The following KDM2B variants were observed in gnomAD, a reference collection of about 807,000 sequenced individuals.
The protein encoded by KDM2B is lysine demethylase 2B.
Under a neutral mutation model 150.0 loss-of-function variants are expected in KDM2B, and 26 were observed. The ratio of observed to expected loss-of-function variants is 0.17; its 90% CI spans 0.13 to 0.24. The LOEUF (loss-of-function observed/expected upper bound fraction) is 0.24, where lower values mean the gene tolerates loss of function less well. Ranked by LOEUF, KDM2B falls within the 10% of genes least tolerant of loss-of-function variation. The probability of loss-of-function intolerance (pLI) is 1.00; values close to 1 mark genes in which losing one functional copy is unlikely to be tolerated. For synonymous variants in KDM2B, 734 were observed against 729.5 expected, an observed-to-expected ratio of 1.01 and a Z score of -0.10; for missense variants, 1,265 against 1,816.9, an observed-to-expected ratio of 0.70 and a Z score of 5.52.
intron 8 of KDM2B, among the ~76,000 whole-genome samples, chr12:121,527,078 C>T (rs950711482): frequency 8.6e-5 from 13 of 151,702 alleles, no homozygotes; most frequent in African/African-American, 2.7e-4. Flanking sequence ...GACGGAGTCT[C>T]GCTCTGTCGC....
At chr12:121,558,259 G>A (rs570618915) in intron 4 of KDM2B, among the ~76,000 whole-genome samples, 5 of 151,826 alleles carry the variant, frequency 3.3e-5, no homozygotes, top group African/African-American at 1.2e-4. Context: ...TCTGACACAC[G>A]ACTTCACAGA....
chr12:121,538,690 C>A (rs1225968943), intron 6 of KDM2B, among the ~76,000 whole-genome samples: 1 of 152,154 alleles, frequency 6.6e-6, no homozygotes, highest in Non-Finnish European at 1.5e-5. Flanking sequence ...AAAAGTCATT[C>A]CCAGGATTCT....
intron 13 of KDM2B, among the ~76,000 whole-genome samples, chr12:121,446,122 G>A (rs554287572): frequency 7.9e-4 from 121 of 152,324 alleles, no homozygotes; most frequent in African/African-American, 2.1e-3. Flanking sequence ...CAGGCCGGGC[G>A]CGGTGGCTCA....
At chr12:121,417,673 T>C in the KDM2B span, 4 of 1,614,080 alleles carry the variant, frequency 2.5e-6, no homozygotes, top group Non-Finnish European at 3.4e-6. The surrounding 1 kb of genome is among the most constrained non-coding windows in gnomAD (Gnocchi z 5.0). Context: ...CTGAGAAATA[T>C]ACCCATAGAT....
At chr12:121,471,383 C>T (rs769061690) in intron 12 of KDM2B, among the ~76,000 whole-genome samples, 9 of 152,184 alleles carry the variant, frequency 5.9e-5, no homozygotes, top group Non-Finnish European at 1.2e-4. Flanking sequence ...CCTCCTCCAT[C>T]ACAATTGTCA....
intron 8 of KDM2B, among the ~76,000 whole-genome samples, chr12:121,528,428 G>A (rs1258040717): frequency 2.6e-5 from 4 of 152,092 alleles, no homozygotes; most frequent in Admixed American, 1.3e-4. Context: ...GCCCGGTAGC[G>A]TACGCTTGTA....
At chr12:121,489,031 C>T (rs2140237382) in intron 12 of KDM2B, among the ~76,000 whole-genome samples, 1 of 152,212 alleles carries the variant, frequency 6.6e-6, no homozygotes, top group African/African-American at 2.4e-5. Flanking sequence ...TGGTCTTGAA[C>T]TCCCGACCTC....
At chr12:121,536,658 T>G (rs940437534) in intron 6 of KDM2B, among the ~76,000 whole-genome samples, 3 of 147,530 alleles carry the variant, frequency 2.0e-5, no homozygotes, top group African/African-American at 7.9e-5. Flanking sequence ...CTCTTCGTCT[T>G]GGTTTTTTTT....
the KDM2B span, among the ~76,000 whole-genome samples, chr12:121,413,225 C>A: frequency 6.6e-6 from 1 of 151,500 alleles, no homozygotes; most frequent in Admixed American, 6.6e-5. Flanking sequence ...CGGCGTTTCG[C>A]CATGTTGTCC....
At chr12:121,450,181 G>T (rs923801181) in intron 13 of KDM2B, among the ~76,000 whole-genome samples, 1 of 151,984 alleles carries the variant, frequency 6.6e-6, no homozygotes, top group African/African-American at 2.4e-5. Flanking sequence ...GGGTGTGGAG[G>T]TATGTGCCTG....
In KDM2B at chr12:121,442,072, G is replaced by T; in HGVS notation, c.3284+85C>A. The T allele has an allele frequency of 1.8e-6, 2 of 1,124,558 alleles. No individual in the cohort carries two copies. Among genetic ancestry groups the T allele is most frequent in the Non-Finnish European group, 2.7e-6 (2 of 754,368 alleles). The allele number at this position is 1,124,558 out of a possible 1,614,324, so 69.7% of individuals were successfully genotyped here. A position where few individuals can be genotyped will look rare whatever the true frequency, so the allele number is the denominator to read the frequency against. On this transcript the variant is annotated intron_variant, in intron 19 of 22. Transcript: ENST00000377071. This position sits in a 1 kb window ranked among gnomAD's most constrained non-coding sequence, Gnocchi z 7.7. ...CCATACTGGGGTTTGGAAGGAAAGA[G>T]CATCGCCAGCGACTCCACACACCAC...
At chr12:121,543,298 G>C (rs1555310034) in intron 6 of KDM2B, among the ~76,000 whole-genome samples, 1 of 152,188 alleles carries the variant, frequency 6.6e-6, no homozygotes, top group East Asian at 1.9e-4. Flanking sequence ...GGAGGTTACA[G>C]TAAGCTGAGA....
chr12:121,455,374 G>T (rs1437449760), intron 12 of KDM2B, among the ~76,000 whole-genome samples: 1 of 152,200 alleles, frequency 6.6e-6, no homozygotes, highest in East Asian at 1.9e-4. Context: ...CCACCCACAG[G>T]CAAGCTGGCC....
At chr12:121,487,301 T>C (rs7955747) in intron 12 of KDM2B, among the ~76,000 whole-genome samples, 116,647 of 152,112 alleles carry the variant, frequency 0.77, 45,162 homozygotes, top group East Asian at 0.92. Context: ...TCTGTGGGCA[T>C]TCGTTGATTG....
At chr12:121,552,296 C>A (rs1555311937) in intron 4 of KDM2B, among the ~76,000 whole-genome samples, 4 of 152,122 alleles carry the variant, frequency 2.6e-5, no homozygotes, top group African/African-American at 9.7e-5. Context: ...GTATTTGAAT[C>A]CAATTCATTC....
intron 11 of KDM2B, among the ~76,000 whole-genome samples, chr12:121,505,627 GA>G (rs1884998819): frequency 6.6e-6 from 1 of 152,178 alleles, no homozygotes; most frequent in Non-Finnish European, 1.5e-5. Flanking sequence ...GGACTGAGTT[GA>G]ATTGGGGGCT....
At chr12:121,581,230 G>A (rs1891947776), upstream of KDM2B, 1 of 275,612 alleles carries the variant, frequency 3.6e-6, no homozygotes, top group Non-Finnish European at 6.8e-6. Flanking sequence ...ATTGGATCTG[G>A]CGCCTCCTAA....
intron 6 of KDM2B, among the ~76,000 whole-genome samples, chr12:121,536,650 C>G (rs1888126197): frequency 6.6e-6 from 1 of 151,398 alleles, no homozygotes; most frequent in South Asian, 2.1e-4. Context: ...AAAACCATCT[C>G]TTCGTCTTGG....
chr12:121,555,400 T>C lies in KDM2B; in HGVS notation c.398-5762A>G, dbSNP rs781925141. On this transcript the variant is annotated intron_variant, in intron 4 of 22. Transcript: ENST00000377071. Reference sequence around the variant, plus strand: ...TTTATTTTTTTCTTTTGAGACAGAGTCTCGCTCTGTCTCCCAGGCTAGAGT... The same window carrying C: ...TTTATTTTTTTCTTTTGAGACAGAGCCTCGCTCTGTCTCCCAGGCTAGAGT... 1.0e-3 allele frequency among the ~76,000 whole-genome samples: 157 copies of C among 152,128 alleles called. 1 individual carries two copies. The highest frequency in any genetic ancestry group is 3.8e-4 in the Non-Finnish European group (26 of 67,986).
Sources: allele counts gnomAD v4.1 joint callset (sites outside exome capture counted in the v4.1 genomes callset), GRCh38; gene constraint gnomAD v4.1.1; non-coding constraint Gnocchi (gnomAD v3.1); transcripts MANE v1.5; gene names NCBI Gene and HGNC (gene_info 2026-07-23, HGNC 2026-07-21).